Variants in ZNF746 observed in about 807,000 individuals in gnomAD.
ZNF746 encodes the protein zinc finger protein 746, also known as parkin-interacting substrate.
In ZNF746, 13 loss-of-function variants were observed where a neutral mutation model predicts 41.0. The ratio of observed to expected loss-of-function variants is 0.32; its 90% CI spans 0.21 to 0.50. The LOEUF (loss-of-function observed/expected upper bound fraction) is 0.50. Among genes scored for constraint, ZNF746 ranks in the 20% least tolerant of loss-of-function variants. The pLI is 0.98. For missense variants in ZNF746, 811 were observed against 922.9 expected (o/e 0.88, Z 1.57); for synonymous variants, 424 against 396.2 (o/e 1.07, Z -0.83).
In ZNF746 at chr7:149,477,681, G is replaced by T; in HGVS notation, c.640C>A (p.Gln214Lys). 1 of 1,613,954 alleles carries T rather than the reference G, an allele frequency of 6.2e-7. No individual in the cohort carries two copies. Among genetic ancestry groups the T allele is most frequent in the African/African-American group, 1.3e-5 (1 of 75,052 alleles). Residue 214 changes from glutamine (Q) to lysine (K), a missense_variant, in exon 5 of 7, where the codon CAG becomes AAG. By Grantham distance (53) the Gln-to-Lys change is moderately conservative. This residue lies in a region of ZNF746 where 495 missense variants were observed against 481.6 expected (regional missense o/e 1.03). Coordinates refer to ENST00000458143, the MANE Select transcript of ZNF746 (RefSeq NM_001394198.1). ...KQEGELQLQE[Q>K]QALGVEAWAA... ...CACGCCTCCACGCCCAGGGCCTGCTGCTCCTGGAGCTGGAGCTCACCCTCC... is the reference window on the plus strand; with the variant it reads ...CACGCCTCCACGCCCAGGGCCTGCTTCTCCTGGAGCTGGAGCTCACCCTCC...
rs1173006641 is a variant in ZNF746 at position 149,497,216 on chromosome 7, G to A, written c.24+297C>T. 4.1e-6 allele frequency: 4 copies of A among 984,256 alleles called. No individual in the cohort carries two copies. The African/African-American group carries it at 7.0e-5, about 17-fold the overall frequency. 61.0% of individuals were successfully genotyped at this position (984,256 alleles called of 1,614,324 possible). A position where few individuals can be genotyped will look rare whatever the true frequency, so the allele number is the denominator to read the frequency against. On this transcript the variant is annotated intron_variant, in intron 1 of 6. Coordinates refer to ENST00000458143, the MANE Select transcript of ZNF746 (RefSeq NM_001394198.1). This position sits in a 1 kb window ranked among gnomAD's most constrained non-coding sequence, Gnocchi z 4.2. ...GCGGGTGGGGGGGCACCCAGAAGGA[G>A]GGGACAGCGGCTGGGGCGGGGGCAG... is the stretch of plus-strand genomic sequence containing the variant.
chr7:149,478,855 G>C (rs115219191), intron 4 of ZNF746, among the ~76,000 whole-genome samples: 7 of 152,200 alleles, frequency 4.6e-5, no homozygotes, highest in Non-Finnish European at 8.8e-5. Context: ...TTCTAGAAAC[G>C]ACAGAGGCAG....
chr7:149,493,703 C>T (rs1800888792), intron 3 of ZNF746, among the ~76,000 whole-genome samples: 1 of 152,206 alleles, frequency 6.6e-6, no homozygotes, highest in African/African-American at 2.4e-5. Flanking sequence ...CAGATGGGGC[C>T]TTCCCCGCTC....
chr7:149,482,725 A>G (rs988258535), intron 4 of ZNF746, among the ~76,000 whole-genome samples: 5 of 152,212 alleles, frequency 3.3e-5, no homozygotes, highest in African/African-American at 1.2e-4. Flanking sequence ...TCAGCCTCCC[A>G]AAGTGTTAGG....
intron 4 of ZNF746, among the ~76,000 whole-genome samples, chr7:149,479,801 G>A (rs1293213597): frequency 1.3e-5 from 2 of 152,156 alleles, no homozygotes; most frequent in Non-Finnish European, 2.9e-5. Flanking sequence ...CTGGGAGGCT[G>A]AGGTGGGAGG....
intron 4 of ZNF746, chr7:149,489,437 A>C (rs1296326805): frequency 1.3e-5 from 2 of 152,202 alleles, no homozygotes; most frequent in East Asian, 3.9e-4. Flanking sequence ...TGAATCTATA[A>C]ATAGGAAACA....
intron 4 of ZNF746, among the ~76,000 whole-genome samples, chr7:149,478,393 A>G (rs190957655): frequency 2.6e-5 from 4 of 152,348 alleles, no homozygotes; most frequent in Admixed American, 2.6e-4. Context: ...ACCAGGAAGC[A>G]GCCTACTTGT....
intron 1 of ZNF746, among the ~76,000 whole-genome samples, chr7:149,496,016 C>T (rs1251595617): frequency 1.3e-5 from 2 of 152,120 alleles, no homozygotes; most frequent in Non-Finnish European, 2.9e-5. Flanking sequence ...TTCCTTCCCT[C>T]ACCTCTCCTT....
chr7:149,490,027 G>A (rs925456553), intron 4 of ZNF746: 2 of 152,390 alleles, frequency 1.3e-5, no homozygotes, highest in Non-Finnish European at 2.9e-5. Context: ...AGGATTGCTT[G>A]TATTGCCCTT....
At chr7:149,491,843 G>A in intron 4 of ZNF746, 1 of 700,914 alleles carries the variant, frequency 1.4e-6, no homozygotes, top group Non-Finnish European at 2.6e-6. Flanking sequence ...CTAGTCAAAT[G>A]ACCCAGCAGG....
At chr7:149,486,744 T>C (rs1452373390) in intron 4 of ZNF746, among the ~76,000 whole-genome samples, 15 of 152,200 alleles carry the variant, frequency 9.9e-5, no homozygotes. Flanking sequence ...TTTCAGTTTA[T>C]GTATACTATA....
chr7:149,494,088 C>T lies in ZNF746; in HGVS notation c.352G>A (p.Val118Met), dbSNP rs371884170. The T allele has an allele frequency of 2.1e-5, 34 of 1,614,170 alleles. No individual in the cohort carries two copies. The highest frequency in any genetic ancestry group is 9.3e-5 in the African/African-American group (7 of 75,030). ...CCCCACTCCTGCTCGGAGAAATACA[C>T]GGCCACATCATCAAAGGTCACGGGC... ...KVPVTFDDVA[V>M]YFSEQEWGKL... Residue 118 changes from valine to methionine, a missense_variant, in exon 3 of 7, where the codon GTG becomes ATG. This residue lies in a region of ZNF746 where 147 missense variants were observed against 233.4 expected (regional missense o/e 0.63). Coordinates refer to ENST00000458143, the MANE Select transcript of ZNF746 (RefSeq NM_001394198.1). This position sits in a 1 kb window ranked among gnomAD's most constrained non-coding sequence, Gnocchi z 5.6.
At chr7:149,477,847 CT>C in intron 4 of ZNF746, 92 bp from the exon 5 acceptor site, 3 of 1,121,448 alleles carry the variant, frequency 2.7e-6, no homozygotes, top group Non-Finnish European at 2.4e-6. Flanking sequence ...ACACAGGGGC[CT>C]TACAAGGGTC....
Position 149,474,911 on chromosome 7 carries a change from C to T in ZNF746, c.1456G>A (p.Ala486Thr), listed in dbSNP as rs1312911024. 11 of 1,538,556 alleles carry T rather than the reference C, an allele frequency of 7.1e-6. No individual in the cohort carries two copies. The highest frequency in any genetic ancestry group is 2.4e-5 in the South Asian group (2 of 83,902). Residue 486 changes from alanine (A) to threonine (T), a missense_variant, in exon 7 of 7, where the codon GCG becomes ACG. By Grantham distance (58) the Ala-to-Thr change is moderately conservative. Around this residue, in one of 4 missense-constraint regions of ZNF746, gnomAD observed 495 missense variants for 481.6 expected, o/e 1.03. Coordinates refer to ENST00000458143, the MANE Select transcript of ZNF746 (RefSeq NM_001394198.1). This position sits in a 1 kb window ranked among gnomAD's most constrained non-coding sequence, Gnocchi z 6.3. ...GGCGCCCCACAGCTGCGCTGGTGCG[C>T]GCTCAGGCTGACTTGCAGCTGGAAG... The part of the protein sequence containing the change: ...KSFQLQVSLS[A>T]HQRSCGAPDG...
In ZNF746 at chr7:149,474,300, G is replaced by A. The variant is rs1457554848; in HGVS notation, c.*84C>T. On this transcript the variant is annotated 3_prime_UTR_variant, in exon 7 of 7. Coordinates refer to ENST00000458143, the MANE Select transcript of ZNF746 (RefSeq NM_001394198.1). The surrounding 1 kb of genome is among the most constrained non-coding windows in gnomAD (Gnocchi z 6.3). ...ATTTGGTTCTCCCCGTCCCGCGTCTGCCTGAAGCTTCCACGCCGCCCTGCT... is the reference window on the plus strand; with the variant it reads ...ATTTGGTTCTCCCCGTCCCGCGTCTACCTGAAGCTTCCACGCCGCCCTGCT... 5 of 1,488,434 alleles carry A rather than the reference G, an allele frequency of 3.4e-6. No individual in the cohort carries two copies. Among genetic ancestry groups the A allele is most frequent in the Admixed American group, 2.0e-5 (1 of 49,564 alleles). 92.2% of individuals were successfully genotyped at this position (1,488,434 alleles called of 1,614,324 possible).
intron 3 of ZNF746, among the ~76,000 whole-genome samples, chr7:149,493,609 G>A (rs774860131): frequency 5.3e-5 from 8 of 152,238 alleles, no homozygotes; most frequent in African/African-American, 1.7e-4. Flanking sequence ...GCATGTTGCC[G>A]TAAGGGCCAC....
Position 149,477,023 on chromosome 7 carries a change from G to A in ZNF746, c.782C>T (p.Thr261Ile). 6.2e-7 allele frequency: 1 copy of A among 1,613,636 alleles called. No homozygotes were observed. Among genetic ancestry groups the A allele is most frequent in the Non-Finnish European group, 8.5e-7 (1 of 1,179,898 alleles). Residue 261 changes from threonine (T) to isoleucine (I), a missense_variant, in exon 6 of 7, where the codon ACC becomes ATC. By Grantham distance (89) the Thr-to-Ile change is moderately conservative. Coordinates refer to ENST00000458143, the MANE Select transcript of ZNF746 (RefSeq NM_001394198.1). ...TSGVHSNFSTTIPPTSWQTDL... is the reference protein window; with the variant it reads ...TSGVHSNFSTIIPPTSWQTDL... ...CGTTTGCCAGGAGGTGGGCGGGATGGTGGTGGAAAAGTTGGAATGGACACC... is the reference window on the plus strand; with the variant it reads ...CGTTTGCCAGGAGGTGGGCGGGATGATGGTGGAAAAGTTGGAATGGACACC...
intron 4 of ZNF746, among the ~76,000 whole-genome samples, chr7:149,481,033 C>A (rs1286895578): frequency 2.0e-5 from 3 of 152,144 alleles, no homozygotes; most frequent in Non-Finnish European, 4.4e-5. Context: ...CACATCTAGA[C>A]ACATTGTATT....
rs1800904394 is a variant in ZNF746 at position 149,494,129 on chromosome 7, T to G, written c.325-14A>C. Reference sequence around the variant, plus strand: ...GGTCACGGGCACCTGGAACCACAAGTGTCACACTCGCTCACCCACACGCTC... The same window carrying G: ...GGTCACGGGCACCTGGAACCACAAGGGTCACACTCGCTCACCCACACGCTC... On this transcript the variant is annotated splice_polypyrimidine_tract_variant and intron_variant, in intron 2 of 6. Coordinates refer to ENST00000458143, the MANE Select transcript of ZNF746 (RefSeq NM_001394198.1). The surrounding 1 kb of genome is among the most constrained non-coding windows in gnomAD (Gnocchi z 5.6). The G allele has an allele frequency of 1.2e-6, 2 of 1,614,034 alleles. No homozygotes were observed. Among genetic ancestry groups the G allele is most frequent in the African/African-American group, 1.3e-5 (1 of 74,974 alleles).
Sources: allele counts gnomAD v4.1 joint callset (sites outside exome capture counted in the v4.1 genomes callset), GRCh38; gene constraint gnomAD v4.1.1; regional missense constraint gnomAD v4.1.1; non-coding constraint Gnocchi (gnomAD v3.1); transcripts MANE v1.5; gene names NCBI Gene and HGNC (gene_info 2026-07-23, HGNC 2026-07-21).